MGAT4C: variants seen among roughly 807,000 people sequenced by gnomAD.
The protein encoded by MGAT4C is alpha-1,3-mannosyl-glycoprotein 4-beta-N-acetylglucosaminyltransferase C.
A neutral mutation model predicts 40.1 loss-of-function variants in MGAT4C; 19 were observed. That is an observed-to-expected ratio of 0.47 (90% CI 0.33 to 0.70). The LOEUF is 0.70. Among genes scored for constraint, MGAT4C ranks in the 30% least tolerant of loss-of-function variants. MGAT4C has a pLI of 0.02. For synonymous variants in MGAT4C, 181 were observed against 187.1 expected (o/e 0.97, Z 0.27); for missense variants, 491 against 563.2 (o/e 0.87, Z 1.30).
chr12:86,286,659 G>T (rs544790127), intron 4 of MGAT4C, among the ~76,000 whole-genome samples: 63 of 152,162 alleles, frequency 4.1e-4, no homozygotes, highest in Middle Eastern at 3.4e-3. Context: ...TGCTGCAGGG[G>T]TTTGGTGTAC....
intron 2 of MGAT4C, among the ~76,000 whole-genome samples, chr12:86,598,165 CAT>C (rs1961613594): frequency 6.6e-6 from 1 of 152,040 alleles, no homozygotes; most frequent in African/African-American, 2.4e-5. Flanking sequence ...CCAATTTATA[CAT>C]GTTCGTAGAA....
intron 1 of MGAT4C, among the ~76,000 whole-genome samples, chr12:86,741,739 T>C (rs1041395299): frequency 1.3e-5 from 2 of 151,394 alleles, no homozygotes; most frequent in Non-Finnish European, 3.0e-5. Context: ...TTCCTCTTAT[T>C]CCTACCCAAC....
intron 1 of MGAT4C, among the ~76,000 whole-genome samples, chr12:86,208,615 G>C (rs1304265701): frequency 6.6e-6 from 1 of 152,186 alleles, no homozygotes; most frequent in Non-Finnish European, 1.5e-5. Flanking sequence ...GGGCTGGGTT[G>C]ATACTGCTTT....
At chr12:86,028,272 C>T (rs1013715235) in intron 2 of MGAT4C, 3 of 881,156 alleles carry the variant, frequency 3.4e-6, no homozygotes, top group South Asian at 1.5e-5. Flanking sequence ...TTCTCTTGCC[C>T]TAGTAATTGA....
intron 1 of MGAT4C, among the ~76,000 whole-genome samples, chr12:86,744,842 C>T (rs1951128170): frequency 6.6e-6 from 1 of 151,382 alleles, no homozygotes; most frequent in Non-Finnish European, 1.5e-5. Flanking sequence ...CCCTCCACCA[C>T]AGTATGAACA....
chr12:86,267,583 A>G (rs994533315), intron 4 of MGAT4C, among the ~76,000 whole-genome samples: 2 of 152,156 alleles, frequency 1.3e-5, no homozygotes, highest in African/African-American at 4.8e-5. Context: ...TTTTTAATTC[A>G]CAGCTGTTCT....
rs544837180 is a variant in MGAT4C at position 86,186,034 on chromosome 12, T to A, written c.-57+70205A>T. Among the ~76,000 whole-genome samples the A allele has an allele frequency of 2.6e-5, 4 of 152,246 alleles. No individual in the cohort carries two copies. The South Asian group carries it at 8.3e-4, about 32-fold the overall frequency. On this transcript the variant is annotated intron_variant, in intron 1 of 4. Transcript: ENST00000611864. ...CAAAGCCTGATTGGCTCAACCTAGATGATTTGAAAAGAATGAAATCATTTA... is the reference window on the plus strand; with the variant it reads ...CAAAGCCTGATTGGCTCAACCTAGAAGATTTGAAAAGAATGAAATCATTTA...
intron 2 of MGAT4C, among the ~76,000 whole-genome samples, chr12:86,438,929 G>T (rs928956237): frequency 1.3e-5 from 2 of 151,784 alleles, no homozygotes; most frequent in Non-Finnish European, 2.9e-5. Flanking sequence ...ACAAAAAGAT[G>T]TTATAAGCTT....
chr12:86,385,872 C>T (rs749397500), intron 3 of MGAT4C, among the ~76,000 whole-genome samples: 1 of 152,182 alleles, frequency 6.6e-6, no homozygotes, highest in Non-Finnish European at 1.5e-5. Context: ...TGTGCTCCCT[C>T]TCAATCTTAT....
chr12:86,364,938 G>A (rs1288053773), intron 3 of MGAT4C, among the ~76,000 whole-genome samples: 2 of 152,304 alleles, frequency 1.3e-5, no homozygotes, highest in South Asian at 2.1e-4. Flanking sequence ...TTTCAGGCAT[G>A]CATTGTCATT....
intron 1 of MGAT4C, among the ~76,000 whole-genome samples, chr12:86,109,211 T>C (rs910308860): frequency 2.0e-5 from 3 of 152,100 alleles, no homozygotes; most frequent in Non-Finnish European, 4.4e-5. Context: ...AATTGTTCTA[T>C]TTGTGTCTTC....
At chr12:86,440,575 G>A (rs61949526) in intron 2 of MGAT4C, among the ~76,000 whole-genome samples, 15,000 of 152,070 alleles carry the variant, frequency 0.099, 997 homozygotes, top group Middle Eastern at 0.25. Flanking sequence ...AAGAATACAG[G>A]GATGCCCATT....
intron 1 of MGAT4C, among the ~76,000 whole-genome samples, chr12:86,167,649 G>A: frequency 1.4e-5 from 1 of 72,060 alleles, no homozygotes. Flanking sequence ...AGAAAGAGAG[G>A]GGCAAACTCA....
chr12:86,691,394 T>C (rs1004298012), intron 2 of MGAT4C, among the ~76,000 whole-genome samples: 1 of 152,148 alleles, frequency 6.6e-6, no homozygotes, highest in Non-Finnish European at 1.5e-5. Context: ...TTGAGATGTA[T>C]GAACAGAGCT....
intron 1 of MGAT4C, among the ~76,000 whole-genome samples, chr12:86,771,026 G>A (rs570930367): frequency 3.3e-5 from 5 of 152,206 alleles, no homozygotes; most frequent in Admixed American, 3.3e-4. Context: ...TCATTAGGGT[G>A]AGTCCTAATT....
rs1217421960 is a variant in MGAT4C, at chr12:86,164,142, G to T, written c.-57+92097C>A. The stretch of plus-strand genomic sequence containing the variant: ...TAAATCAAATTGACAAAAACAGAAG[G>T]TTTATAGAGAGTTAAAGTGTGAAAT... On this transcript the variant is annotated intron_variant, in intron 1 of 4. Coordinates refer to ENST00000611864, the MANE Select transcript of MGAT4C (RefSeq NM_001351288.2). Among the ~76,000 whole-genome samples, 6 of 152,056 alleles carry T rather than the reference G, an allele frequency of 3.9e-5. No individual in the cohort carries two copies. In the East Asian group the frequency reaches 9.6e-4, roughly 24 times the overall value.
rs2136928139 is a variant in MGAT4C at position 86,038,416 on chromosome 12, C to A, written c.-7+11258G>T. On this transcript the variant is annotated intron_variant, in intron 2 of 4. Coordinates refer to ENST00000611864, the MANE Select transcript of MGAT4C (RefSeq NM_001351288.2). The stretch of plus-strand genomic sequence containing the variant: ...GTCTCTAAGAACTTGTTTCATGAAT[C>A]TGTGTGCTCCTGTATTGGGTGCATA... 1.3e-5 allele frequency among the ~76,000 whole-genome samples: 2 copies of A among 149,954 alleles called. 1 individual carries two copies. Among genetic ancestry groups the A allele is most frequent in the Non-Finnish European group, 3.0e-5 (2 of 66,800 alleles).
At chr12:86,692,220 C>T (rs1024931050) in intron 2 of MGAT4C, among the ~76,000 whole-genome samples, 1 of 152,102 alleles carries the variant, frequency 6.6e-6, no homozygotes, top group Non-Finnish European at 1.5e-5. Flanking sequence ...TACTTAAAGA[C>T]AGACTATTTG....
chr12:86,815,301 G>T (rs774755046), intron 1 of MGAT4C, among the ~76,000 whole-genome samples: 6 of 151,788 alleles, frequency 4.0e-5, no homozygotes, highest in Admixed American at 1.3e-4. Context: ...ACGCAATACC[G>T]CCTTGCTCCT....
Sources: allele counts gnomAD v4.1 joint callset (sites outside exome capture counted in the v4.1 genomes callset), GRCh38; gene constraint gnomAD v4.1.1; transcripts MANE v1.5; gene names NCBI Gene and HGNC (gene_info 2026-07-23, HGNC 2026-07-21).